Variants in GRID2 observed in about 807,000 individuals in gnomAD.
GRID2 encodes glutamate ionotropic receptor delta type subunit 2, also known as glutamate receptor ionotropic, delta-2.
GRID2 carries 33 observed loss-of-function variants against 114.8 expected under a neutral mutation model. The observed-to-expected ratio is 0.29, with a 90% CI of 0.22 to 0.38. GRID2 has a LOEUF of 0.38. Ranked by LOEUF, GRID2 falls within the 10% of genes least tolerant of loss-of-function variation. GRID2 has a pLI of 1.00. For missense variants in GRID2, 1,184 were observed against 1,257.7 expected (o/e 0.94, Z 0.89); for synonymous variants, 505 against 449.9 (o/e 1.12, Z -1.55).
chr4:92,711,739 C>G (rs907779324), intron 2 of GRID2, among the ~76,000 whole-genome samples: 20 of 151,994 alleles, frequency 1.3e-4, no homozygotes, highest in African/African-American at 4.6e-4. Context: ...TCTGTCTTTA[C>G]AAAAAATACA....
intron 2 of GRID2, among the ~76,000 whole-genome samples, chr4:92,700,348 A>G (rs959965585): frequency 6.6e-6 from 1 of 152,164 alleles, no homozygotes; most frequent in South Asian, 2.1e-4. Flanking sequence ...GATTGCTCAC[A>G]ATTCTCATCT....
At chr4:93,456,102 C>G in intron 11 of GRID2, 128 bp downstream of exon 11, 1 of 629,884 alleles carries the variant, frequency 1.6e-6, no homozygotes. Context: ...CACAGAAATG[C>G]TCAGAAAAGA....
At chr4:93,420,294 C>G (rs919896538) in intron 9 of GRID2, among the ~76,000 whole-genome samples, 17 of 152,118 alleles carry the variant, frequency 1.1e-4, no homozygotes, top group Non-Finnish European at 2.4e-4. Flanking sequence ...TTTACATGGT[C>G]TGTGAATTTG....
chr4:93,207,424 T>C lies in GRID2; in HGVS notation c.756T>C (p.Val252=), dbSNP rs756092131. ...TCTAGGTTGTGGAGACTAATTTGGT[T>C]GCTTTTGACTGTCACTGGATCATTA... ...FITEVVETNL[V]AFDCHWIIIN... Residue 252 remains valine (V), a synonymous_variant, in exon 5 of 16, where the codon GTT becomes GTC. Coordinates refer to ENST00000282020, the MANE Select transcript of GRID2 (RefSeq NM_001510.4). The C allele has an allele frequency of 1.1e-5, 18 of 1,602,856 alleles. No homozygotes were observed. The South Asian group carries it at 2.0e-4, about 18-fold the overall frequency.
At chr4:92,472,833 G>T (rs1017865389) in intron 1 of GRID2, among the ~76,000 whole-genome samples, 4 of 151,990 alleles carry the variant, frequency 2.6e-5, no homozygotes, top group African/African-American at 9.7e-5. Flanking sequence ...TCCTGTTGTC[G>T]ACTGTATGAT....
chr4:93,678,365 C>T (rs1394477551), intron 14 of GRID2, among the ~76,000 whole-genome samples: 3 of 152,116 alleles, frequency 2.0e-5, no homozygotes, highest in African/African-American at 4.8e-5. Context: ...AGGATATTAT[C>T]CAGGACAACT....
At chr4:92,834,395 T>C (rs1742315860) in intron 2 of GRID2, among the ~76,000 whole-genome samples, 1 of 152,176 alleles carries the variant, frequency 6.6e-6, no homozygotes, top group Admixed American at 6.5e-5. Flanking sequence ...AAGCCTTATG[T>C]GTTGTTGTCA....
chr4:92,876,209 T>C (rs1385076043), intron 2 of GRID2, among the ~76,000 whole-genome samples: 1 of 151,838 alleles, frequency 6.6e-6, no homozygotes. Flanking sequence ...TTTGACAGTG[T>C]GGATTCTCTG....
At chr4:92,716,186 G>A (rs1407954732) in intron 2 of GRID2, among the ~76,000 whole-genome samples, 1 of 152,124 alleles carries the variant, frequency 6.6e-6, no homozygotes, top group Non-Finnish European at 1.5e-5. Context: ...TCTTTCACGA[G>A]TCAAAATTCC....
intron 8 of GRID2, among the ~76,000 whole-genome samples, chr4:93,349,462 A>G (rs555266835): frequency 3.9e-5 from 6 of 152,144 alleles, no homozygotes; most frequent in Non-Finnish European, 7.4e-5. Context: ...TCTCTCATTC[A>G]TGGAAATTTT....
intron 8 of GRID2, among the ~76,000 whole-genome samples, chr4:93,243,905 G>A (rs1041396425): frequency 3.3e-5 from 5 of 151,740 alleles, no homozygotes; most frequent in African/African-American, 1.2e-4. Flanking sequence ...AAATCGCTAA[G>A]GTTTTCTATA....
intron 1 of GRID2, among the ~76,000 whole-genome samples, chr4:93,795,746 G>A (rs1734783506): frequency 6.6e-6 from 1 of 152,192 alleles, no homozygotes; most frequent in African/African-American, 2.4e-5. Context: ...ACAGGAATAT[G>A]TGTATAATGC....
Position 92,304,707 on chromosome 4 carries a change from C to G in GRID2, c.51C>G (p.Thr17=). The change falls in exon 1 of 16, where the codon ACC becomes ACG. Residue 17 remains threonine (T), a synonymous_variant. Transcript: ENST00000282020. ...TTTTGTCCGTCTGGTGGTCTCGAAC[C>G]TGGGACTCGGCGAATGCGGATTCGA... ...LLVLSVWWSR[T]WDSANADSII... 1.9e-6 allele frequency: 3 copies of G among 1,613,590 alleles called. No homozygotes were observed. The highest frequency in any genetic ancestry group is 1.7e-6 in the Non-Finnish European group (2 of 1,179,596).
chr4:93,270,782 C>A (rs1382653741), intron 8 of GRID2, among the ~76,000 whole-genome samples: 1 of 152,080 alleles, frequency 6.6e-6, no homozygotes, highest in Non-Finnish European at 1.5e-5. Flanking sequence ...ATGCCCATCA[C>A]CATGCCCAGC....
At chr4:93,073,248 A>G (rs1255455809) in intron 2 of GRID2, among the ~76,000 whole-genome samples, 1 of 152,202 alleles carries the variant, frequency 6.6e-6, no homozygotes, top group African/African-American at 2.4e-5. Context: ...CTTGATGTGT[A>G]CCGTGGACTG....
At chr4:93,565,051 T>C (rs1735274774) in intron 13 of GRID2, among the ~76,000 whole-genome samples, 1 of 152,110 alleles carries the variant, frequency 6.6e-6, no homozygotes, top group South Asian at 2.1e-4. Context: ...AAAACATATC[T>C]AGTTGCAATT....
At position 93,635,749 on chromosome 4, in the gene GRID2, G is replaced by C. The variant is rs1195743724; in HGVS notation, c.2360+9314G>C. On this transcript the variant is annotated intron_variant, in intron 14 of 15. Coordinates refer to ENST00000282020, the MANE Select transcript of GRID2 (RefSeq NM_001510.4). ...AGCACCCTGACTGCTACTTCTAGTG[G>C]AGAATCCAAATAATTTACATTTATT... 2.6e-5 allele frequency among the ~76,000 whole-genome samples: 4 copies of C among 152,198 alleles called. 1 individual carries two copies. The highest frequency in any genetic ancestry group is 4.2e-4 in the South Asian group (2 of 4,818).
chr4:92,746,398 A>G (rs1657696768), intron 2 of GRID2, among the ~76,000 whole-genome samples: 1 of 152,148 alleles, frequency 6.6e-6, no homozygotes, highest in Non-Finnish European at 1.5e-5. Context: ...TCCTATGATT[A>G]GTGGCCAAGA....
At chr4:93,122,102 TGTA>T (rs1733831813) in intron 4 of GRID2, among the ~76,000 whole-genome samples, 2 of 152,194 alleles carry the variant, frequency 1.3e-5, no homozygotes, top group Admixed American at 6.5e-5. Flanking sequence ...TTATTTGTAA[TGTA>T]GTCCAAATTA....
Sources: gnomAD v4.1 joint callset for allele counts (sites outside exome capture counted in the v4.1 genomes callset) on GRCh38, gnomAD v4.1.1 for gene constraint, MANE v1.5 for transcripts, NCBI Gene and HGNC (gene_info 2026-07-23, HGNC 2026-07-21) for gene names.